Variants in GABRA4 observed in about 807,000 individuals in gnomAD.
GABRA4 encodes the protein gamma-aminobutyric acid type A receptor subunit alpha4.
In GABRA4, 12 loss-of-function variants were observed where a neutral mutation model predicts 49.7. The observed-to-expected ratio is 0.24, with a 90% CI of 0.15 to 0.39. GABRA4 has a LOEUF of 0.39. Ranked by LOEUF, GABRA4 falls within the 10% of genes least tolerant of loss-of-function variation. The pLI is 1.00. For synonymous variants in GABRA4, 288 were observed against 240.2 expected (o/e 1.20, Z -1.84); for missense variants, 506 against 686.0 (o/e 0.74, Z 2.93).
intron 8 of GABRA4, among the ~76,000 whole-genome samples, chr4:46,939,067 G>T (rs948994110): frequency 1.3e-5 from 2 of 151,904 alleles, no homozygotes; most frequent in Non-Finnish European, 2.9e-5. Flanking sequence ...GTTTTAAATA[G>T]GCAAAAGAGC....
intron 5 of GABRA4, among the ~76,000 whole-genome samples, chr4:46,975,596 CTTTTTA>C (rs1723113695): frequency 6.6e-6 from 1 of 151,850 alleles, no homozygotes; most frequent in Non-Finnish European, 1.5e-5. Context: ...GTGTGCCTCT[CTTTTTA>C]ATTCCCAATC....
chr4:46,974,431 G>A (rs1316870368), intron 5 of GABRA4, 56 bp from the exon 6 acceptor site: 21 of 1,508,558 alleles, frequency 1.4e-5, no homozygotes, highest in Non-Finnish European at 1.8e-5. Context: ...ATCCACATCA[G>A]TGGTCAACAC....
intron 2 of GABRA4, among the ~76,000 whole-genome samples, chr4:46,983,731 A>C (rs1488320938): frequency 2.0e-5 from 3 of 152,100 alleles, no homozygotes; most frequent in African/African-American, 7.2e-5. Flanking sequence ...TGTTCAAATC[A>C]AACTTACTCA....
At chr4:46,954,340 T>A (rs893834700) in intron 8 of GABRA4, among the ~76,000 whole-genome samples, 3 of 152,140 alleles carry the variant, frequency 2.0e-5, no homozygotes, top group African/African-American at 7.2e-5. Flanking sequence ...GTGGATCACC[T>A]GAGGTCAGGA....
intron 8 of GABRA4, among the ~76,000 whole-genome samples, chr4:46,929,878 T>C (rs1194595166): frequency 1.3e-5 from 2 of 152,006 alleles, no homozygotes; most frequent in Non-Finnish European, 2.9e-5. Flanking sequence ...GAGCAGCTAA[T>C]AAAAGGGTGA....
At chr4:46,940,045 A>G (rs911379415) in intron 8 of GABRA4, among the ~76,000 whole-genome samples, 2 of 152,030 alleles carry the variant, frequency 1.3e-5, no homozygotes, top group East Asian at 1.9e-4. Context: ...GCAAAGTTGT[A>G]TTTTTAATTG....
rs142490601 is a variant in GABRA4, at chr4:46,936,530, A to T, written c.1135-7775T>A. Among the ~76,000 whole-genome samples, 419 of 152,290 alleles carry T rather than the reference A, an allele frequency of 2.8e-3. 2 individuals carry two copies. The highest frequency in any genetic ancestry group is 9.2e-3 in the African/African-American group (381 of 41,588). Reference sequence around the variant, plus strand: ...CTCCCAAAGTGCTGGGATTACAGGCATGAGCCACAGCACCTGGCCAGATCA... The same window carrying T: ...CTCCCAAAGTGCTGGGATTACAGGCTTGAGCCACAGCACCTGGCCAGATCA... On this transcript the variant is annotated intron_variant, in intron 8 of 8. Coordinates refer to ENST00000264318, the MANE Select transcript of GABRA4 (RefSeq NM_000809.4).
At chr4:46,956,933 GC>G (rs796228656) in intron 8 of GABRA4, among the ~76,000 whole-genome samples, 35 of 152,066 alleles carry the variant, frequency 2.3e-4, no homozygotes, top group African/African-American at 7.7e-4. Flanking sequence ...TTATTAATGA[GC>G]TTGCCATAGC....
chr4:46,988,373 C>T (rs1723616386), intron 2 of GABRA4, among the ~76,000 whole-genome samples: 1 of 152,112 alleles, frequency 6.6e-6, no homozygotes, highest in South Asian at 2.1e-4. Flanking sequence ...ACAGTGGTCT[C>T]TCAATACAGA....
intron 8 of GABRA4, among the ~76,000 whole-genome samples, chr4:46,944,262 T>G (rs987891656): frequency 6.6e-6 from 1 of 152,142 alleles, no homozygotes; most frequent in Non-Finnish European, 1.5e-5. Context: ...ACATTTTCAA[T>G]GTAAATAACA....
intron 2 of GABRA4, among the ~76,000 whole-genome samples, chr4:46,980,267 C>T (rs1212832258): frequency 6.6e-6 from 1 of 151,274 alleles, no homozygotes; most frequent in Non-Finnish European, 1.5e-5. Flanking sequence ...GTTTATAGTA[C>T]TGTATAGCCA....
At chr4:46,950,435 T>C (rs1722130190) in intron 8 of GABRA4, among the ~76,000 whole-genome samples, 1 of 152,042 alleles carries the variant, frequency 6.6e-6, no homozygotes, top group Non-Finnish European at 1.5e-5. Flanking sequence ...ATTAATTATC[T>C]CTTTTGCTGT....
intron 8 of GABRA4, among the ~76,000 whole-genome samples, chr4:46,944,810 T>C (rs1721929157): frequency 6.6e-6 from 1 of 152,102 alleles, no homozygotes; most frequent in Non-Finnish European, 1.5e-5. Context: ...ATCCTAATGC[T>C]TTTTCCTAGC....
chr4:46,987,280 C>T (rs887391245), intron 2 of GABRA4, among the ~76,000 whole-genome samples: 1 of 152,144 alleles, frequency 6.6e-6, no homozygotes, highest in Non-Finnish European at 1.5e-5. Flanking sequence ...TTAGAAGACT[C>T]CATCCCAAAT....
chr4:46,948,905 C>G (rs1249903738), intron 8 of GABRA4, among the ~76,000 whole-genome samples: 1 of 152,066 alleles, frequency 6.6e-6, no homozygotes, highest in Non-Finnish European at 1.5e-5. Context: ...CTTGCTTCAG[C>G]CCCAAATTTT....
Position 46,919,134 on chromosome 4 carries a change from T to A in GABRA4, c.*9091A>T, listed in dbSNP as rs1163832892. 6.6e-6 allele frequency: 1 copy of A among 151,550 alleles called. No individual in the cohort carries two copies. Among genetic ancestry groups the A allele is most frequent in the Non-Finnish European group, 1.5e-5 (1 of 67,578 alleles). The allele number at this position is 151,550 out of a possible 1,614,324, so 9.4% of individuals were successfully genotyped here. A position where few individuals can be genotyped will look rare whatever the true frequency, so the allele number is the denominator to read the frequency against. ...TACAATGCTATGCTCTAGTATAAAC[T>A]TTGTTTTAAGAAGCAAAGTAACTCT... On this transcript the variant is annotated 3_prime_UTR_variant, in exon 9 of 9. Transcript: ENST00000264318.
Position 46,928,016 on chromosome 4 carries a change from T to TCGCCGTA in GABRA4, c.*208_*209insTACGGCG. Reference sequence around the variant, plus strand: ...GTATTCTATCTAACTGAATGCTGAGTTCTTTTAAAATAATTTTTCTGAAAA... The same window carrying TCGCCGTA: ...GTATTCTATCTAACTGAATGCTGAGTCGCCGTATCTTTTAAAATAATTTTTCTGAAAA... On this transcript the variant is annotated 3_prime_UTR_variant, in exon 9 of 9. Coordinates refer to ENST00000264318, the MANE Select transcript of GABRA4 (RefSeq NM_000809.4). The TCGCCGTA allele has an allele frequency of 2.5e-5, 12 of 474,036 alleles. No individual in the cohort carries two copies. The highest frequency in any genetic ancestry group is 1.5e-4 in the South Asian group (5 of 32,924). 29.4% of individuals were successfully genotyped at this position (474,036 alleles called of 1,614,324 possible). A position where few individuals can be genotyped will look rare whatever the true frequency, so the allele number is the denominator to read the frequency against.
chr4:46,958,604 A>G (rs1257162497), intron 8 of GABRA4, among the ~76,000 whole-genome samples: 1 of 151,952 alleles, frequency 6.6e-6, no homozygotes, highest in Admixed American at 6.6e-5. Context: ...ACAGGGACAA[A>G]TGCAGCATCA....
intron 2 of GABRA4, among the ~76,000 whole-genome samples, chr4:46,991,225 C>T (rs1203720850): frequency 1.3e-5 from 2 of 152,008 alleles, no homozygotes; most frequent in African/African-American, 2.4e-5. Context: ...GAATCAATAC[C>T]CTCAATGACT....
Sources: gnomAD v4.1 joint callset for allele counts (sites outside exome capture counted in the v4.1 genomes callset) on GRCh38, gnomAD v4.1.1 for gene constraint, MANE v1.5 for transcripts, NCBI Gene and HGNC (gene_info 2026-07-23, HGNC 2026-07-21) for gene names.